Variants in BABAM2 observed in about 807,000 individuals in gnomAD.
BABAM2 encodes the protein BRISC and BRCA1 A complex member 2, also known as BRISC and BRCA1-A complex member 2.
BABAM2 carries 31 observed loss-of-function variants against 54.7 expected under a neutral mutation model. The ratio of observed to expected loss-of-function variants is 0.57; its 90% CI spans 0.43 to 0.77. BABAM2 has a LOEUF of 0.77. Ranked by LOEUF, BABAM2 falls within the 30% of genes least tolerant of loss-of-function variation. The pLI is 0.00. For synonymous variants in BABAM2, 167 were observed against 162.9 expected, an observed-to-expected ratio of 1.03 and a Z score of -0.19; for missense variants, 364 against 455.8, an observed-to-expected ratio of 0.80 and a Z score of 1.83.
At chr2:28,279,660 CTTTTTTTTTT>C (rs59747836) in intron 10 of BABAM2, among the ~76,000 whole-genome samples, 1 of 100,300 alleles carries the variant, frequency 1.0e-5, no homozygotes, top group African/African-American at 4.4e-5. Context: ...AGCTCAAAGG[CTTTTTTTTTT>C]TTTTTTTTTT....
chr2:28,222,715 GC>G (rs2148017505), intron 7 of BABAM2, among the ~76,000 whole-genome samples: 1 of 152,320 alleles, frequency 6.6e-6, no homozygotes, highest in East Asian at 1.9e-4. Flanking sequence ...ATTATATTTG[GC>G]CAATTAAATT....
intron 4 of BABAM2, chr2:28,015,975 C>T (rs1370672268): frequency 6.8e-6 from 4 of 587,534 alleles, no homozygotes; most frequent in African/African-American, 3.8e-5. Flanking sequence ...CTTTAATGTC[C>T]TTTTCTTTCT....
At chr2:27,900,968 G>A (rs1451681179) in intron 2 of BABAM2, among the ~76,000 whole-genome samples, 3 of 150,684 alleles carry the variant, frequency 2.0e-5, no homozygotes, top group Admixed American at 6.6e-5. Context: ...GCGTGAACCC[G>A]GGAGGTGGAG....
Position 28,222,965 on chromosome 2 carries a change from CT to C in BABAM2, c.681-14236del, listed in dbSNP as rs1305907359. Reference sequence around the variant, plus strand: ...TCTGGGGAAGTGTGGGCCCTTGTTACTATTGTGGCTGTTTTGAATCATCTAT... The same window carrying C: ...TCTGGGGAAGTGTGGGCCCTTGTTACATTGTGGCTGTTTTGAATCATCTAT... On this transcript the variant is annotated intron_variant, in intron 7 of 11. Coordinates refer to ENST00000379624, the MANE Select transcript of BABAM2 (RefSeq NM_199191.3). Among the ~76,000 whole-genome samples, 4 of 152,182 alleles carry C rather than the reference CT, an allele frequency of 2.6e-5. No homozygotes were observed. In the East Asian group the frequency reaches 7.7e-4, roughly 29 times the overall value.
At chr2:28,139,063 T>G (rs1164394908) in intron 7 of BABAM2, among the ~76,000 whole-genome samples, 1 of 152,064 alleles carries the variant, frequency 6.6e-6, no homozygotes, top group Admixed American at 6.6e-5. Flanking sequence ...ACCCAAGCCA[T>G]AGGTAGTGGG....
At chr2:28,137,584 A>T (rs1670663264) in intron 7 of BABAM2, among the ~76,000 whole-genome samples, 1 of 152,324 alleles carries the variant, frequency 6.6e-6, no homozygotes, top group East Asian at 1.9e-4. Context: ...ACAAAAAAGA[A>T]CCAGAACAGA....
intron 7 of BABAM2, among the ~76,000 whole-genome samples, chr2:28,160,184 G>C (rs1659990467): frequency 6.6e-6 from 1 of 152,118 alleles, no homozygotes; most frequent in Admixed American, 6.5e-5. Flanking sequence ...GCCTCACTAA[G>C]TTGCTCAGGC....
rs1687876172 is a variant in BABAM2 at position 28,298,566 on chromosome 2, C to T, written c.1088+75C>T. The stretch of plus-strand genomic sequence containing the variant: ...TAGTCCAGGGGTTGGCAAGCTACTG[C>T]TTGCAGGTTAGTTCCTGCCCTGTGC... On this transcript the variant is annotated intron_variant, in intron 11 of 11. Coordinates refer to ENST00000379624, the MANE Select transcript of BABAM2 (RefSeq NM_199191.3). 2.5e-6 allele frequency: 4 copies of T among 1,569,046 alleles called. No homozygotes were observed. The Admixed American group carries it at 6.9e-5, about 27-fold the overall frequency.
intron 6 of BABAM2, among the ~76,000 whole-genome samples, chr2:28,054,914 T>G (rs1678275518): frequency 6.6e-6 from 1 of 152,198 alleles, no homozygotes; most frequent in African/African-American, 2.4e-5. Context: ...AGAATAGAAA[T>G]GGTTTTGATT....
intron 11 of BABAM2, among the ~76,000 whole-genome samples, chr2:28,338,220 G>A (rs1691637932): frequency 1.3e-5 from 2 of 152,218 alleles, no homozygotes; most frequent in African/African-American, 4.8e-5. Flanking sequence ...CCAGGAGGGT[G>A]CACGTACAGG....
chr2:27,934,778 C>T (rs1668372186), intron 3 of BABAM2, among the ~76,000 whole-genome samples: 1 of 152,228 alleles, frequency 6.6e-6, no homozygotes, highest in Admixed American at 6.5e-5. Flanking sequence ...AAACCAGCCA[C>T]AAGATTCCCT....
intron 10 of BABAM2, among the ~76,000 whole-genome samples, chr2:28,247,825 A>G (rs902943950): frequency 6.6e-6 from 1 of 152,208 alleles, no homozygotes; most frequent in African/African-American, 2.4e-5. Flanking sequence ...CTCTGACCTC[A>G]GACTTTGCCA....
intron 6 of BABAM2, among the ~76,000 whole-genome samples, chr2:28,126,771 G>C (rs538553338): frequency 6.7e-5 from 10 of 148,582 alleles, no homozygotes; most frequent in East Asian, 2.0e-4. Flanking sequence ...CAGTGTAAAA[G>C]TGTTCCTATT....
chr2:28,115,565 G>T (rs1250826064), intron 6 of BABAM2, among the ~76,000 whole-genome samples: 1 of 152,028 alleles, frequency 6.6e-6, no homozygotes, highest in Non-Finnish European at 1.5e-5. Context: ...GGCAGAGCTT[G>T]CAGTGAGCCA....
At chr2:27,893,970 G>GCAA (rs1197012844) in intron 1 of BABAM2, among the ~76,000 whole-genome samples, 1 of 140,776 alleles carries the variant, frequency 7.1e-6, no homozygotes, top group Non-Finnish European at 1.5e-5. Context: ...CTCCAGCCTG[G>GCAA]CAACAGAGTG....
At chr2:28,135,228 A>T (rs986951795) in intron 7 of BABAM2, among the ~76,000 whole-genome samples, 1 of 152,248 alleles carries the variant, frequency 6.6e-6, no homozygotes, top group Non-Finnish European at 1.5e-5. Flanking sequence ...GAGATTAAAT[A>T]TGCAATACTG....
At chr2:28,171,080 C>G (rs1208918978) in intron 7 of BABAM2, among the ~76,000 whole-genome samples, 1 of 151,078 alleles carries the variant, frequency 6.6e-6, no homozygotes, top group Non-Finnish European at 1.5e-5. Flanking sequence ...TGGTAGCATG[C>G]TGTACATACT....
chr2:27,896,236 C>T lies in BABAM2; in HGVS notation c.128+1552C>T, dbSNP rs138943781. 1.5e-3 allele frequency: 236 copies of T among 153,314 alleles called. 2 individuals carry two copies. The highest frequency in any genetic ancestry group is 2.8e-3 in the Non-Finnish European group (194 of 68,660). The allele number at this position is 153,314 out of a possible 1,614,324, so 9.5% of individuals were successfully genotyped here. On this transcript the variant is annotated intron_variant, in intron 2 of 11. Coordinates refer to ENST00000379624, the MANE Select transcript of BABAM2 (RefSeq NM_199191.3). Reference sequence around the variant, plus strand: ...GGAATCTCACTGACCTGGTACAGGGCGTCCTGAAGAAGCCACCGTGGCTTG... The same window carrying T: ...GGAATCTCACTGACCTGGTACAGGGTGTCCTGAAGAAGCCACCGTGGCTTG...
At chr2:27,961,722 CTTTT>C (rs5830058) in intron 3 of BABAM2, among the ~76,000 whole-genome samples, 6 of 99,068 alleles carry the variant, frequency 6.1e-5, no homozygotes, top group Middle Eastern at 5.6e-3. Context: ...CCTTAATTAT[CTTTT>C]TTTTTTTTTT....
Sources: allele counts gnomAD v4.1 joint callset (sites outside exome capture counted in the v4.1 genomes callset), GRCh38; gene constraint gnomAD v4.1.1; transcripts MANE v1.5; gene names NCBI Gene and HGNC (gene_info 2026-07-23, HGNC 2026-07-21).